The following NCAPH variants were observed in gnomAD, a reference collection of about 807,000 sequenced individuals.
NCAPH encodes non-SMC condensin I complex subunit H, also known as condensin complex subunit 2.
NCAPH carries 38 observed loss-of-function variants against 85.5 expected under a neutral mutation model. The observed-to-expected ratio is 0.44, with a 90% confidence interval of 0.34 to 0.58. NCAPH has a LOEUF of 0.58. NCAPH is among the 20% of genes least tolerant of loss of function. The pLI, the probability that NCAPH is intolerant of heterozygous loss-of-function variation, is 0.01. For synonymous variants in NCAPH, 301 were observed against 335.1 expected, an observed-to-expected ratio of 0.90 and a Z score of 1.11; for missense variants, 789 against 916.6, an observed-to-expected ratio of 0.86 and a Z score of 1.80.
chr2:96,357,674 A>AT (rs1442610545), intron 9 of NCAPH, among the ~76,000 whole-genome samples: 1 of 152,274 alleles, frequency 6.6e-6, no homozygotes, highest in South Asian at 2.1e-4. Flanking sequence ...TAGAAATGTG[A>AT]TTTTTTTATT....
intron 4 of NCAPH, 135 bp from the exon 5 acceptor site, chr2:96,343,031 C>T (rs1365640509): frequency 1.6e-6 from 2 of 1,250,028 alleles, no homozygotes; most frequent in African/African-American, 1.5e-5. Context: ...CTGTTTATTC[C>T]CTATCAGTCA....
Position 96,360,608 on chromosome 2 carries a change from G to A in NCAPH, c.1485G>A (p.Lys495=). 6.2e-7 allele frequency: 1 copy of A among 1,614,102 alleles called. No individual in the cohort carries two copies. The highest frequency in any genetic ancestry group is 8.5e-7 in the Non-Finnish European group (1 of 1,179,996). ...RKTKAATILT[K]STLENQNWRA... is the part of the protein sequence containing the mutation. ...AATAGGCTGCTACTATTCTGACCAA[G>A]TCCACTTTGGAGAACCAGAATTGGA... Residue 495 remains lysine, a synonymous_variant, in exon 12 of 18, where the codon AAG becomes AAA. Coordinates refer to ENST00000240423, the MANE Select transcript of NCAPH (RefSeq NM_015341.5).
At position 96,364,714 on chromosome 2, in the gene NCAPH, C is replaced by G. The variant is rs1478937814; in HGVS notation, c.1698+123C>G. 1.0e-5 allele frequency: 7 copies of G among 699,906 alleles called. No homozygotes were observed. The East Asian group carries it at 2.0e-4, about 20-fold the overall frequency. 43.4% of individuals were successfully genotyped at this position (699,906 alleles called of 1,614,324 possible). A position where few individuals can be genotyped will look rare whatever the true frequency, so the allele number is the denominator to read the frequency against. ...CAATTTTGAATCCAGTGGAGGTTTT[C>G]TGGGTAAAGGGTCTGCCTTCCACCC... On this transcript the variant is annotated intron_variant, in intron 13 of 17. Coordinates refer to ENST00000240423, the MANE Select transcript of NCAPH (RefSeq NM_015341.5).
chr2:96,336,018 C>T (rs373832025), intron 1 of NCAPH, among the ~76,000 whole-genome samples, 170 bp downstream of exon 1: 1 of 144,628 alleles, frequency 6.9e-6, no homozygotes, highest in African/African-American at 2.5e-5. Flanking sequence ...AGGGCCGGCG[C>T]GGGGCGGGCG....
intron 6 of NCAPH, among the ~76,000 whole-genome samples, chr2:96,347,259 G>C (rs2064374107): frequency 1.3e-5 from 2 of 150,770 alleles, no homozygotes; most frequent in African/African-American, 2.4e-5. Flanking sequence ...GTCTCAATTG[G>C]AGCAGTGCCC....
chr2:96,336,566 C>G (rs1278518071), intron 1 of NCAPH, among the ~76,000 whole-genome samples: 1 of 152,202 alleles, frequency 6.6e-6, no homozygotes, highest in African/African-American at 2.4e-5. Context: ...TGAGGCCTGA[C>G]ACGTAGGCAG....
chr2:96,360,274 G>A, intron 11 of NCAPH, 25 bp downstream of exon 11: 1 of 1,251,386 alleles, frequency 8.0e-7, no homozygotes, highest in Non-Finnish European at 1.1e-6. Flanking sequence ...TATTAGGATT[G>A]TGCTTACTCG....
In NCAPH at chr2:96,352,023, A is replaced by G; in HGVS notation, c.910+3A>G. On this transcript the variant is annotated splice_donor_region_variant and intron_variant, in intron 7 of 17. Coordinates refer to ENST00000240423, the MANE Select transcript of NCAPH (RefSeq NM_015341.5). ...TGTAGAAATGACAGATTTAAAAGGT[A>G]AGTACAAGTGATGCCTTTCACCAGA... 1 of 1,607,850 alleles carries G rather than the reference A, an allele frequency of 6.2e-7. No homozygotes were observed. Among genetic ancestry groups the G allele is most frequent in the Non-Finnish European group, 8.5e-7 (1 of 1,177,042 alleles).
chr2:96,369,534 G>A (rs1482792024), intron 17 of NCAPH, 34 bp downstream of exon 17: 2 of 1,569,412 alleles, frequency 1.3e-6, no homozygotes, highest in South Asian at 1.1e-5. Context: ...GAGTATTAGA[G>A]TATTCCCTGT....
At position 96,373,582 on chromosome 2, in the gene NCAPH, G is replaced by A. The variant is rs1173666105; in HGVS notation, c.*231G>A. On this transcript the variant is annotated 3_prime_UTR_variant, in exon 18 of 18. Coordinates refer to ENST00000240423, the MANE Select transcript of NCAPH (RefSeq NM_015341.5). Reference sequence around the variant, plus strand: ...TTACTGCCCTATGGTGACCATCTAGGAGAGGGGAGGGCAGAGGGGGTGAGG... The same window carrying A: ...TTACTGCCCTATGGTGACCATCTAGAAGAGGGGAGGGCAGAGGGGGTGAGG... 2 of 443,102 alleles carry A rather than the reference G, an allele frequency of 4.5e-6. No homozygotes were observed. The highest frequency in any genetic ancestry group is 4.0e-5 in the African/African-American group (2 of 50,330). 27.4% of individuals were successfully genotyped at this position (443,102 alleles called of 1,614,324 possible).
intron 12 of NCAPH, among the ~76,000 whole-genome samples, chr2:96,362,410 G>A (rs1256096503): frequency 6.6e-6 from 1 of 152,026 alleles, no homozygotes; most frequent in Non-Finnish European, 1.5e-5. Context: ...TGGGTGGATC[G>A]CTTGAGGCTA....
rs1418988667 is a variant in NCAPH, at chr2:96,353,389, C to T, written c.994C>T (p.His332Tyr). The change falls in exon 8 of 18, where the codon CAT becomes TAT. Residue 332 changes from histidine to tyrosine, a missense_variant. Physicochemically the swap from His to Tyr is moderately conservative, Grantham distance 83. Transcript: ENST00000240423. ...FQFTQWDSETHNESVSALVDK... is the reference protein window; with the variant it reads ...FQFTQWDSETYNESVSALVDK... ...GTTTACACAGTGGGACAGTGAAACA[C>T]ATAATGAGGTGTGGTCAAGTTTTAG... The T allele has an allele frequency of 1.9e-6, 3 of 1,613,794 alleles. No individual in the cohort carries two copies. The highest frequency in any genetic ancestry group is 2.7e-5 in the African/African-American group (2 of 74,932).
intron 6 of NCAPH, among the ~76,000 whole-genome samples, chr2:96,344,802 A>G (rs1333767181): frequency 2.6e-5 from 4 of 152,248 alleles, no homozygotes; most frequent in Non-Finnish European, 4.4e-5. Context: ...GTTAATTTAA[A>G]GCAAACAGGT....
intron 12 of NCAPH, among the ~76,000 whole-genome samples, chr2:96,361,224 A>G (rs2064604305): frequency 6.6e-6 from 1 of 151,074 alleles, no homozygotes; most frequent in Non-Finnish European, 1.5e-5. Flanking sequence ...AATTTTTTGT[A>G]GTTTTAACAG....
intron 14 of NCAPH, 59 bp downstream of exon 14, chr2:96,366,117 T>TATATG (rs1405170785): frequency 1.3e-6 from 2 of 1,551,114 alleles, no homozygotes; most frequent in African/African-American, 2.7e-5. Flanking sequence ...AATTGTCTCT[T>TATATG]ATATGAGAGT....
chr2:96,369,134 A>T, intron 16 of NCAPH, 71 bp downstream of exon 16: 1 of 1,395,118 alleles, frequency 7.2e-7, no homozygotes, highest in Admixed American at 2.1e-5. Context: ...CAGGCCTTCC[A>T]CACACAACCT....
At chr2:96,356,858 C>T (rs576678436) in intron 9 of NCAPH, among the ~76,000 whole-genome samples, 86 of 151,272 alleles carry the variant, frequency 5.7e-4, no homozygotes, top group African/African-American at 2.0e-3. Flanking sequence ...GTAGATGCCT[C>T]ACGTTATTGG....
intron 9 of NCAPH, among the ~76,000 whole-genome samples, chr2:96,358,697 T>C (rs886575565): frequency 8.5e-5 from 13 of 152,186 alleles, no homozygotes; most frequent in Middle Eastern, 3.2e-3. Flanking sequence ...CTCGATCTCC[T>C]GACCTTGTGA....
chr2:96,348,070 A>G (rs2064384586), intron 6 of NCAPH, among the ~76,000 whole-genome samples: 1 of 152,074 alleles, frequency 6.6e-6, no homozygotes. Context: ...TGCGGTGCTT[A>G]GCTGTTGACC....
Sources: allele counts gnomAD v4.1 joint callset (sites outside exome capture counted in the v4.1 genomes callset), GRCh38; gene constraint gnomAD v4.1.1; transcripts MANE v1.5; gene names NCBI Gene and HGNC (gene_info 2026-07-23, HGNC 2026-07-21).